The following ALG9 variants were observed in gnomAD, a reference collection of about 807,000 sequenced individuals.
ALG9 encodes alpha-1,2-mannosyltransferase ALG9.
A neutral mutation model predicts 81.8 loss-of-function variants in ALG9; 55 were observed. The observed-to-expected ratio is 0.67, with a 90% CI of 0.54 to 0.84. The LOEUF is 0.84. ALG9 is among the 40% of genes least tolerant of loss of function. The pLI, the probability that ALG9 is intolerant of heterozygous loss-of-function variation, is 0.00. For synonymous variants in ALG9, 278 were observed against 274.3 expected (o/e 1.01, Z -0.13); for missense variants, 629 against 745.0 (o/e 0.84, Z 1.81).
intron 13 of ALG9, among the ~76,000 whole-genome samples, chr11:111,814,029 A>T (rs1189639261): frequency 6.6e-6 from 1 of 152,226 alleles, no homozygotes; most frequent in Non-Finnish European, 1.5e-5. Context: ...GTTCAACCTA[A>T]TGTATATCCA....
chr11:111,786,651 T>A, intron 14 of ALG9, 131 bp from the exon 15 acceptor site: 2 of 1,115,990 alleles, frequency 1.8e-6, no homozygotes, highest in Non-Finnish European at 2.5e-6. Context: ...CAGAAAAGCC[T>A]ATTATTTCGG....
intron 10 of ALG9, among the ~76,000 whole-genome samples, chr11:111,839,442 G>A (rs569049516): frequency 5.3e-4 from 81 of 151,928 alleles, no homozygotes; most frequent in African/African-American, 1.6e-3. Context: ...AAAATTAGCC[G>A]GGCGTGGTGG....
Position 111,860,587 on chromosome 11 carries a change from G to A in ALG9, c.525C>T (p.Ala175=). ...FGLHVSRMML[A]FLVLSTGMFC... ...ACATGCCAGTGCTGAGAACCAAGAA[G>A]GCTAGCATCATTCGACTCACGTGCA... The change falls in exon 5 of 15, where the codon GCC becomes GCT. Residue 175 remains alanine (A), a synonymous_variant. Coordinates refer to ENST00000616540, the MANE Select transcript of ALG9 (RefSeq NM_024740.2). The A allele has an allele frequency of 6.2e-7, 1 of 1,614,082 alleles. No homozygotes were observed. Among genetic ancestry groups the A allele is most frequent in the Non-Finnish European group, 8.5e-7 (1 of 1,179,994 alleles).
At chr11:111,838,214 G>T in intron 11 of ALG9, 35 bp downstream of exon 11, 4 of 1,612,362 alleles carry the variant, frequency 2.5e-6, no homozygotes, top group Non-Finnish European at 3.4e-6. Context: ...CAAGTGACTC[G>T]TCAGTGTAGG....
rs782720318 is a variant in ALG9 at position 111,868,583 on chromosome 11, C to T, written c.405+19G>A. The T allele has an allele frequency of 1.2e-6, 2 of 1,611,466 alleles. No individual in the cohort carries two copies. The highest frequency in any genetic ancestry group is 1.3e-5 in the African/African-American group (1 of 74,838). Reference sequence around the variant, plus strand: ...CCTCTTGATCAATTGTGATTGCTTCCAGGTTGGTCTGCCCTTACCTTATTA... The same window carrying T: ...CCTCTTGATCAATTGTGATTGCTTCTAGGTTGGTCTGCCCTTACCTTATTA... On this transcript the variant is annotated intron_variant, in intron 3 of 14. Coordinates refer to ENST00000616540, the MANE Select transcript of ALG9 (RefSeq NM_024740.2).
At chr11:111,831,132 C>G (rs1462738232) in intron 13 of ALG9, among the ~76,000 whole-genome samples, 1 of 152,152 alleles carries the variant, frequency 6.6e-6, no homozygotes, top group Non-Finnish European at 1.5e-5. Context: ...CCTCCGCCTC[C>G]TGGGTTCAAG....
In ALG9 at chr11:111,857,660, C is replaced by A. The variant is rs1360666991; in HGVS notation, c.643G>T (p.Ala215Ser). The change falls in exon 6 of 15, where the codon GCT becomes TCT. Residue 215 changes from alanine to serine, a missense_variant. This residue lies in a region of ALG9 where 344 missense variants were observed against 390.5 expected (regional missense o/e 0.88). Transcript: ENST00000616540. ...GCCCCAGCTGCTACTCCCAGCACAG[C>A]AATGGAAGTCTTGTCCATATACCAT... ...TGWYMDKTSI[A>S]VLGVAAGAIL... The A allele has an allele frequency of 1.9e-6, 3 of 1,614,050 alleles. No homozygotes were observed. The highest frequency in any genetic ancestry group is 2.5e-6 in the Non-Finnish European group (3 of 1,180,038).
intron 11 of ALG9, among the ~76,000 whole-genome samples, chr11:111,837,875 A>G (rs1955579992): frequency 1.3e-5 from 2 of 152,064 alleles, no homozygotes; most frequent in Admixed American, 1.3e-4. Context: ...TTTTACCTTC[A>G]TTTTCCTTGA....
chr11:111,868,253 C>T (rs1351256159), intron 3 of ALG9, among the ~76,000 whole-genome samples: 1 of 152,146 alleles, frequency 6.6e-6, no homozygotes, highest in East Asian at 1.9e-4. Context: ...TTTCTCAGCA[C>T]TCTACTTAAA....
At chr11:111,793,718 G>A (rs922970819) in intron 14 of ALG9, among the ~76,000 whole-genome samples, 13 of 145,508 alleles carry the variant, frequency 8.9e-5, no homozygotes, top group Non-Finnish European at 1.6e-4. Context: ...CCGAGATCGC[G>A]CCACTGCACT....
intron 8 of ALG9, among the ~76,000 whole-genome samples, chr11:111,848,590 C>CA (rs60317912): frequency 0.098 from 4,896 of 49,730 alleles, 361 homozygotes; most frequent in African/African-American, 0.24. Context: ...AACTCCATCT[C>CA]AAAAAAAAAA....
chr11:111,827,185 G>A (rs1470451454), intron 13 of ALG9, among the ~76,000 whole-genome samples: 1 of 151,972 alleles, frequency 6.6e-6, no homozygotes, highest in East Asian at 1.9e-4. Context: ...TTTCTTAAAT[G>A]ACAGGAGATT....
chr11:111,799,317 T>G (rs1948756016), intron 14 of ALG9, among the ~76,000 whole-genome samples: 1 of 152,152 alleles, frequency 6.6e-6, no homozygotes, highest in Non-Finnish European at 1.5e-5. Flanking sequence ...CAGCTAATTT[T>G]TGTATTTTTA....
Position 111,786,192 on chromosome 11 carries a change from A to G in ALG9, c.*205T>C, listed in dbSNP as rs1555063186. ...CTCTGCCTAGCTGCAAAAAGTTTAC[A>G]TGCAGAACAGAGACACACACAGGGA... On this transcript the variant is annotated 3_prime_UTR_variant, in exon 15 of 15. Coordinates refer to ENST00000616540, the MANE Select transcript of ALG9 (RefSeq NM_024740.2). The G allele has an allele frequency of 4.0e-6, 3 of 746,922 alleles. No individual in the cohort carries two copies. Among genetic ancestry groups the G allele is most frequent in the African/African-American group, 3.5e-5 (2 of 57,748 alleles). 46.3% of individuals were successfully genotyped at this position (746,922 alleles called of 1,614,324 possible).
In ALG9 at chr11:111,870,383, A is replaced by AAC; in HGVS notation, c.132-14_132-13insGT. 2 of 417,424 alleles carry AAC rather than the reference A, an allele frequency of 4.8e-6. No individual in the cohort carries two copies. Among genetic ancestry groups the AAC allele is most frequent in the Non-Finnish European group, 3.3e-6 (1 of 307,314 alleles). 25.9% of individuals were successfully genotyped at this position (417,424 alleles called of 1,614,324 possible). A position where few individuals can be genotyped will look rare whatever the true frequency, so the allele number is the denominator to read the frequency against. On this transcript the variant is annotated splice_polypyrimidine_tract_variant and intron_variant, in intron 1 of 14. Coordinates refer to ENST00000616540, the MANE Select transcript of ALG9 (RefSeq NM_024740.2). Reference sequence around the variant, plus strand: ...GTTCCCAGATAACCTGTTCAAAAGCAAAAAAAAAAAAAAAAAAAAAAGCAT... The same window carrying AAC: ...GTTCCCAGATAACCTGTTCAAAAGCAACAAAAAAAAAAAAAAAAAAAAAGCAT...
chr11:111,842,190 C>G (rs1413462903), intron 9 of ALG9, among the ~76,000 whole-genome samples: 2 of 152,184 alleles, frequency 1.3e-5, no homozygotes, highest in Non-Finnish European at 2.9e-5. Context: ...AGCCACTGTG[C>G]CTGGCCTAAG....
At chr11:111,863,545 A>C (rs1847116906) in intron 4 of ALG9, among the ~76,000 whole-genome samples, 1 of 152,166 alleles carries the variant, frequency 6.6e-6, no homozygotes, top group South Asian at 2.1e-4. Flanking sequence ...AACATTTTTT[A>C]AAATCTGACA....
intron 2 of ALG9, 108 bp from the exon 3 acceptor site, chr11:111,868,844 G>A: frequency 8.4e-7 from 1 of 1,194,558 alleles, no homozygotes; most frequent in Non-Finnish European, 1.1e-6. Flanking sequence ...AGGCAAGCCA[G>A]GCACGATGCC....
chr11:111,871,088 T>G (rs187996139), intron 1 of ALG9: 1 of 1,207,496 alleles, frequency 8.3e-7, no homozygotes, highest in Non-Finnish European at 1.0e-6. Flanking sequence ...ACAGAGGCTG[T>G]GCCCACTCTA....
Sources: gnomAD v4.1 joint callset for allele counts (sites outside exome capture counted in the v4.1 genomes callset) on GRCh38, gnomAD v4.1.1 for gene constraint, gnomAD v4.1.1 regional missense constraint, MANE v1.5 for transcripts, NCBI Gene and HGNC (gene_info 2026-07-23, HGNC 2026-07-21) for gene names.